ERG: variants seen among roughly 807,000 people sequenced by gnomAD.
ERG encodes the protein transcriptional regulator ERG.
In ERG, 9 loss-of-function variants were observed where a neutral mutation model predicts 55.3. The observed-to-expected ratio is 0.16, with a 90% confidence interval of 0.10 to 0.28. The LOEUF is 0.28. ERG is among the 10% of genes least tolerant of loss of function. The pLI is 1.00. For missense variants in ERG, 434 were observed against 631.6 expected (o/e 0.69, Z 3.35); for synonymous variants, 223 against 237.3 (o/e 0.94, Z 0.55).
intron 2 of ERG, among the ~76,000 whole-genome samples, chr21:38,571,906 C>G (rs762493126): frequency 6.6e-6 from 1 of 152,180 alleles, no homozygotes; most frequent in Non-Finnish European, 1.5e-5. Context: ...GACACAGAGT[C>G]TTCACGGGAA....
At chr21:38,524,956 C>T (rs189505390) in intron 2 of ERG, among the ~76,000 whole-genome samples, 34 of 152,298 alleles carry the variant, frequency 2.2e-4, no homozygotes, top group African/African-American at 7.7e-4. Flanking sequence ...GTGGGCAAAA[C>T]ACAAGAGCTC....
chr21:38,657,552 A>G (rs188893695), intron 1 of ERG, among the ~76,000 whole-genome samples: 14 of 152,312 alleles, frequency 9.2e-5, no homozygotes, highest in Admixed American at 9.2e-4. Flanking sequence ...GCCTCTTTCT[A>G]ATATGAAAAT....
At chr21:38,374,654 T>G in the ERG span, among the ~76,000 whole-genome samples, 1 of 152,140 alleles carries the variant, frequency 6.6e-6, no homozygotes, top group African/African-American at 2.4e-5. Context: ...CTTTAATATT[T>G]TTCCCACCAG....
the ERG span, chr21:38,367,563 G>A: frequency 1.5e-3 from 709 of 487,168 alleles, 5 homozygotes; most frequent in African/African-American, 0.012. Context: ...AGAAGGCCAC[G>A]CTGCCTTCTA....
intron 3 of ERG, among the ~76,000 whole-genome samples, chr21:38,408,797 C>T (rs1988901731): frequency 6.6e-6 from 1 of 152,170 alleles, no homozygotes; most frequent in African/African-American, 2.4e-5. Context: ...TTCTTGACCC[C>T]AACCACACAT....
chr21:38,637,224 T>C (rs1274368906), intron 1 of ERG, among the ~76,000 whole-genome samples: 1 of 152,044 alleles, frequency 6.6e-6, no homozygotes, highest in Non-Finnish European at 1.5e-5. Context: ...GCATCCCATA[T>C]GTGTGTCATT....
At chr21:38,397,460 T>C (rs1481979407) in intron 6 of ERG, among the ~76,000 whole-genome samples, 1 of 151,744 alleles carries the variant, frequency 6.6e-6, no homozygotes, top group African/African-American at 2.4e-5. Context: ...TAGCTGGGCA[T>C]GATGGCATGC....
chr21:38,389,710 C>T (rs1008346246), intron 9 of ERG, among the ~76,000 whole-genome samples: 18 of 151,206 alleles, frequency 1.2e-4, no homozygotes, highest in African/African-American at 4.4e-4. Flanking sequence ...TACCTGTGTC[C>T]ATCTCTCCAC....
intron 2 of ERG, among the ~76,000 whole-genome samples, chr21:38,542,441 A>G (rs1486654977): frequency 6.6e-6 from 1 of 152,170 alleles, no homozygotes; most frequent in African/African-American, 2.4e-5. Context: ...ATTTCTCCAA[A>G]GGCTAAAAGA....
At chr21:38,478,595 ATCT>A (rs777495262) in intron 1 of ERG, among the ~76,000 whole-genome samples, 5 of 152,184 alleles carry the variant, frequency 3.3e-5, no homozygotes, top group Admixed American at 3.3e-4. Context: ...CCTAATGTAA[ATCT>A]TCTTTCCCAA....
At chr21:38,469,418 C>A (rs964862917) in intron 1 of ERG, among the ~76,000 whole-genome samples, 3 of 152,150 alleles carry the variant, frequency 2.0e-5, no homozygotes, top group Non-Finnish European at 4.4e-5. Flanking sequence ...AGAAACTCTG[C>A]CACAAATGCT....
chr21:38,390,279 G>A (rs753240906), intron 9 of ERG, among the ~76,000 whole-genome samples: 1 of 152,220 alleles, frequency 6.6e-6, no homozygotes, highest in Non-Finnish European at 1.5e-5. Context: ...TTCAGAAACA[G>A]ACCATCGAAG....
chr21:38,527,580 G>A (rs1888469), intron 2 of ERG, among the ~76,000 whole-genome samples: 65,801 of 152,062 alleles, frequency 0.43, 14,973 homozygotes, highest in African/African-American at 0.59. Flanking sequence ...AAGAGGAGGC[G>A]TTGATTGCAG....
intron 2 of ERG, among the ~76,000 whole-genome samples, chr21:38,520,590 T>C (rs918623363): frequency 2.6e-5 from 4 of 152,214 alleles, no homozygotes; most frequent in African/African-American, 7.2e-5. Context: ...GAAGGTTTTG[T>C]GTACAGAAAA....
intron 1 of ERG, among the ~76,000 whole-genome samples, chr21:38,621,640 G>A (rs1468282976): frequency 6.6e-6 from 1 of 152,170 alleles, no homozygotes; most frequent in African/African-American, 2.4e-5. Context: ...GCCATCATTT[G>A]CTACTGCAGC....
At chr21:38,439,630 C>T (rs992818756) in intron 2 of ERG, among the ~76,000 whole-genome samples, 2 of 152,240 alleles carry the variant, frequency 1.3e-5, no homozygotes, top group African/African-American at 4.8e-5. Context: ...AATTAGATTA[C>T]TGTCTGCAAG....
chr21:38,537,115 G>A (rs1041990463), intron 2 of ERG, among the ~76,000 whole-genome samples: 1 of 152,080 alleles, frequency 6.6e-6, no homozygotes, highest in Non-Finnish European at 1.5e-5. Context: ...AAAGAAAAAA[G>A]TTGGGCTCTT....
At position 38,618,606 on chromosome 21, in the gene ERG, C is replaced by T. The variant is rs73442416; in HGVS notation, c.-149-33661G>A. On this transcript the variant is annotated intron_variant, in intron 1 of 10. Coordinates refer to the ERG transcript ENST00000398910. ...TTAACAAAATGGCTAATACTAACTC[C>T]TTGAGAATAGGATTCTTCTAGAGAA... 3.2e-3 allele frequency among the ~76,000 whole-genome samples: 485 copies of T among 152,318 alleles called. 5 individuals are homozygous for T. Among genetic ancestry groups the T allele is most frequent in the African/African-American group, 0.011 (449 of 41,558 alleles).
At chr21:38,652,714 T>C (rs1346510446) in intron 1 of ERG, among the ~76,000 whole-genome samples, 1 of 152,192 alleles carries the variant, frequency 6.6e-6, no homozygotes, top group Non-Finnish European at 1.5e-5. Context: ...ATAGCAAGCA[T>C]GCCCAAGAAC....
Sources: allele counts gnomAD v4.1 joint callset (sites outside exome capture counted in the v4.1 genomes callset), GRCh38; gene constraint gnomAD v4.1.1; transcripts MANE v1.5; gene names NCBI Gene and HGNC (gene_info 2026-07-23, HGNC 2026-07-21).